The following LRRC8C variants were observed in gnomAD, a reference collection of about 807,000 sequenced individuals.
LRRC8C encodes the protein leucine rich repeat containing 8 VRAC subunit C, also known as volume-regulated anion channel subunit LRRC8C.
LRRC8C carries 20 observed loss-of-function variants against 55.3 expected under a neutral mutation model. That is an observed-to-expected ratio of 0.36 (90% CI 0.25 to 0.53). LRRC8C has a LOEUF of 0.53. Among genes scored for constraint, LRRC8C ranks in the 20% least tolerant of loss-of-function variants. The pLI is 0.92. For synonymous variants in LRRC8C, 376 were observed against 360.7 expected (o/e 1.04, Z -0.48); for missense variants, 659 against 951.4 (o/e 0.69, Z 4.04).
intron 1 of LRRC8C, among the ~76,000 whole-genome samples, chr1:89,665,654 G>T (rs1449398667): frequency 1.3e-5 from 2 of 152,064 alleles, no homozygotes; most frequent in Non-Finnish European, 2.9e-5. Context: ...AGTTTAAAAA[G>T]CAAAAAAGTT....
chr1:89,622,570 C>A, the LRRC8C span, among the ~76,000 whole-genome samples: 1,316 of 152,006 alleles, frequency 8.7e-3, 24 homozygotes, highest in African/African-American at 0.029. Context: ...CCTGACCTTG[C>A]GATCCGCCCG....
At chr1:89,700,524 C>G (rs1186356815) in intron 2 of LRRC8C, among the ~76,000 whole-genome samples, 1 of 152,102 alleles carries the variant, frequency 6.6e-6, no homozygotes, top group South Asian at 2.1e-4. Context: ...TTATGCCAAC[C>G]TAATAGTAGA....
intron 2 of LRRC8C, among the ~76,000 whole-genome samples, chr1:89,689,541 G>T (rs1414810202): frequency 6.6e-6 from 1 of 152,212 alleles, no homozygotes; most frequent in Non-Finnish European, 1.5e-5. Context: ...ATCCAGGCAA[G>T]AAATGAATTA....
the LRRC8C span, among the ~76,000 whole-genome samples, chr1:89,623,975 G>C: frequency 6.6e-6 from 1 of 152,126 alleles, no homozygotes; most frequent in African/African-American, 2.4e-5. Flanking sequence ...GAAAAGTCCT[G>C]GGTCAGAGAC....
intron 2 of LRRC8C, among the ~76,000 whole-genome samples, chr1:89,710,216 G>A (rs1658611448): frequency 6.6e-6 from 1 of 152,116 alleles, no homozygotes; most frequent in Non-Finnish European, 1.5e-5. Flanking sequence ...TCATGAACAG[G>A]AAAGCATCTG....
intron 1 of LRRC8C, among the ~76,000 whole-genome samples, chr1:89,682,850 A>C (rs930616286): frequency 1.3e-5 from 2 of 152,224 alleles, no homozygotes; most frequent in Non-Finnish European, 2.9e-5. Context: ...TGGTTGTCTG[A>C]AGAGAAAGCT....
chr1:89,703,001 A>T (rs535408955), intron 2 of LRRC8C, among the ~76,000 whole-genome samples: 464 of 152,342 alleles, frequency 3.0e-3, no homozygotes, highest in Non-Finnish European at 4.5e-3. Context: ...AGACACTGAC[A>T]TACATCTCAG....
chr1:89,666,603 G>A (rs1275823666), intron 1 of LRRC8C, among the ~76,000 whole-genome samples: 2 of 152,050 alleles, frequency 1.3e-5, no homozygotes, highest in African/African-American at 2.4e-5. Context: ...ACAGGGTGCA[G>A]GTATCATGAG....
chr1:89,701,203 G>A (rs900746324), intron 2 of LRRC8C, among the ~76,000 whole-genome samples: 2 of 151,992 alleles, frequency 1.3e-5, no homozygotes, highest in African/African-American at 2.4e-5. Context: ...GGGGCCAGGC[G>A]CGGTGGCTCA....
chr1:89,706,013 GGTT>G (rs566569891), intron 2 of LRRC8C, among the ~76,000 whole-genome samples: 26 of 151,944 alleles, frequency 1.7e-4, no homozygotes, highest in Non-Finnish European at 3.5e-4. Context: ...ATACTACTAG[GGTT>G]GTTTTTCCTG....
At chr1:89,639,986 A>C (rs1469383368) in intron 1 of LRRC8C, among the ~76,000 whole-genome samples, 3 of 152,264 alleles carry the variant, frequency 2.0e-5, no homozygotes, top group Non-Finnish European at 4.4e-5. Context: ...ACATGAGTTA[A>C]GACATCAAAG....
chr1:89,693,646 CTTTTTTTTTTTTTTTTTTT>C lies in LRRC8C; in HGVS notation c.138+7046_138+7064del, dbSNP rs35427989. ...GTTCCTTTTCTTTTATCTTTTCTTCCTTTTTTTTTTTTTTTTTTTTTTTTTTTTTGAGACAGAGTCTCAC... is the reference window on the plus strand; with the variant it reads ...GTTCCTTTTCTTTTATCTTTTCTTCCTTTTTTTTTTGAGACAGAGTCTCAC... On this transcript the variant is annotated intron_variant, in intron 2 of 2. Transcript: ENST00000370454. 2.5e-4 allele frequency among the ~76,000 whole-genome samples: 21 copies of C among 82,702 alleles called. 1 individual carries two copies. Among genetic ancestry groups the C allele is most frequent in the African/African-American group, 1.1e-3 (20 of 18,244 alleles). The allele number at this position is 82,702 out of a possible 152,430, so 54.3% of individuals were successfully genotyped here.
chr1:89,683,965 T>G (rs1425140795), intron 1 of LRRC8C, among the ~76,000 whole-genome samples: 1 of 152,182 alleles, frequency 6.6e-6, no homozygotes, highest in Non-Finnish European at 1.5e-5. Context: ...AGCCAGGCAT[T>G]AAAGGGATTT....
In LRRC8C at chr1:89,713,124, A is replaced by T; in HGVS notation, c.554A>T (p.Glu185Val). The T allele has an allele frequency of 6.2e-7, 1 of 1,613,896 alleles. No individual in the cohort carries two copies. Among genetic ancestry groups the T allele is most frequent in the Non-Finnish European group, 8.5e-7 (1 of 1,180,044 alleles). The change falls in exon 3 of 3, where the codon GAA becomes GTA. Residue 185 changes from glutamate (E) to valine (V), a missense_variant. Around this residue, in one of 5 missense-constraint regions of LRRC8C, gnomAD observed 200 missense variants for 360.5 expected, o/e 0.55. Transcript: ENST00000370454. This position sits in a 1 kb window ranked among gnomAD's most constrained non-coding sequence, Gnocchi z 5.2. ...LSEVSGEDSE[E>V]KDNRKNNMNR... ...GAAGTGTCTGGGGAGGACTCAGAAG[A>T]AAAGGACAACAGGAAGAACAACATG...
chr1:89,710,314 T>G (rs893056517), intron 2 of LRRC8C, among the ~76,000 whole-genome samples: 2 of 152,218 alleles, frequency 1.3e-5, no homozygotes, highest in Admixed American at 6.5e-5. Context: ...TTGTTTGTTT[T>G]TTATTCCAGG....
intron 1 of LRRC8C, among the ~76,000 whole-genome samples, chr1:89,662,121 T>TTAATGGGC (rs1657138301): frequency 2.0e-5 from 3 of 152,226 alleles, no homozygotes; most frequent in African/African-American, 7.2e-5. Context: ...GGGCCACACA[T>TTAATGGGC]AAAATACATT....
intron 1 of LRRC8C, among the ~76,000 whole-genome samples, chr1:89,673,983 C>A (rs973494933): frequency 1.3e-5 from 2 of 152,124 alleles, no homozygotes; most frequent in African/African-American, 4.8e-5. Flanking sequence ...ATTGAAAGAA[C>A]GTTCCAGTTG....
intron 1 of LRRC8C, among the ~76,000 whole-genome samples, chr1:89,671,336 A>C: frequency 6.7e-6 from 1 of 149,926 alleles, no homozygotes; most frequent in African/African-American, 2.5e-5. Context: ...GGAAGGGCAT[A>C]CTCAAGGAAG....
chr1:89,647,717 A>T (rs1656653586), intron 1 of LRRC8C, among the ~76,000 whole-genome samples: 1 of 152,216 alleles, frequency 6.6e-6, no homozygotes, highest in South Asian at 2.1e-4. Flanking sequence ...AGCTACTTCA[A>T]AAAACTTAAT....
Sources: gnomAD v4.1 joint callset for allele counts (sites outside exome capture counted in the v4.1 genomes callset) on GRCh38, gnomAD v4.1.1 for gene constraint, gnomAD v4.1.1 regional missense constraint, Gnocchi (gnomAD v3.1) non-coding constraint, MANE v1.5 for transcripts, NCBI Gene and HGNC (gene_info 2026-07-23, HGNC 2026-07-21) for gene names.